Variants in ORC3 observed in about 807,000 individuals in gnomAD.
ORC3 encodes origin recognition complex subunit 3, also known as homolog of latheo, Drosophila.
Under a neutral mutation model 100.7 loss-of-function variants are expected in ORC3, and 78 were observed. The observed-to-expected ratio is 0.77, with a 90% CI of 0.65 to 0.94. ORC3 has a LOEUF of 0.94. Ranked by LOEUF, ORC3 falls within the 40% of genes least tolerant of loss-of-function variation. ORC3 has a pLI of 0.00. For missense variants in ORC3, 789 were observed against 823.9 expected (o/e 0.96, Z 0.52); for synonymous variants, 295 against 289.3 (o/e 1.02, Z -0.20).
intron 11 of ORC3, among the ~76,000 whole-genome samples, chr6:87,628,464 A>G (rs901256408): frequency 6.6e-6 from 1 of 152,264 alleles, no homozygotes. Context: ...CATACTATGT[A>G]GAAAGCTTAG....
At chr6:87,647,391 GCT>G (rs1238878104) in intron 13 of ORC3, among the ~76,000 whole-genome samples, 1 of 152,072 alleles carries the variant, frequency 6.6e-6, no homozygotes, top group Admixed American at 6.6e-5. Context: ...GCCAGGAAAA[GCT>G]CTTCTGGATA....
intron 9 of ORC3, 123 bp from the exon 10 acceptor site, chr6:87,621,231 A>T: frequency 1.8e-6 from 1 of 567,574 alleles, no homozygotes; most frequent in South Asian, 4.1e-5. Flanking sequence ...TGACATTATT[A>T]AATATATTAG....
chr6:87,638,693 T>C (rs79353874), intron 13 of ORC3, among the ~76,000 whole-genome samples: 11,741 of 152,188 alleles, frequency 0.077, 625 homozygotes, highest in Non-Finnish European at 0.12. Flanking sequence ...ACACCTGACC[T>C]CATGAAATGG....
At chr6:87,672,766 A>G in the ORC3 span, among the ~76,000 whole-genome samples, 1 of 152,200 alleles carries the variant, frequency 6.6e-6, no homozygotes, top group Non-Finnish European at 1.5e-5. Flanking sequence ...AGTGCTTGCC[A>G]TAGGCCAAAG....
chr6:87,635,218 G>A (rs530865189), intron 12 of ORC3, among the ~76,000 whole-genome samples: 1 of 152,278 alleles, frequency 6.6e-6, no homozygotes, highest in East Asian at 1.9e-4. Context: ...TAAGGCATTT[G>A]AACTTTCCTT....
intron 4 of ORC3, among the ~76,000 whole-genome samples, chr6:87,605,678 C>T (rs1362590354): frequency 6.6e-6 from 1 of 151,532 alleles, no homozygotes; most frequent in African/African-American, 2.4e-5. Flanking sequence ...CTTTCAAGTG[C>T]ACATCCCAGT....
chr6:87,623,732 A>C (rs1354566574), intron 11 of ORC3, among the ~76,000 whole-genome samples: 5 of 152,052 alleles, frequency 3.3e-5, no homozygotes, highest in Non-Finnish European at 7.4e-5. Context: ...AAAAATACAA[A>C]AATTAGCTGG....
intron 13 of ORC3, among the ~76,000 whole-genome samples, chr6:87,639,728 C>G (rs1768086255): frequency 6.6e-6 from 1 of 151,354 alleles, no homozygotes; most frequent in South Asian, 2.1e-4. Context: ...GCCTGTAATC[C>G]CAGCACTTTG....
downstream of ORC3, among the ~76,000 whole-genome samples, chr6:87,670,165 G>C (rs1307700741): frequency 6.6e-6 from 1 of 152,098 alleles, no homozygotes; most frequent in Non-Finnish European, 1.5e-5. Flanking sequence ...GTAGCAGGAT[G>C]GCAACTGCCC....
chr6:87,654,746 G>T (rs1241602234), intron 14 of ORC3, among the ~76,000 whole-genome samples: 2 of 152,162 alleles, frequency 1.3e-5, no homozygotes, highest in Non-Finnish European at 2.9e-5. Context: ...TACAAAATGG[G>T]ACTTATGGAG....
chr6:87,614,910 A>C (rs1031791273), intron 8 of ORC3, among the ~76,000 whole-genome samples: 15 of 151,820 alleles, frequency 9.9e-5, no homozygotes, highest in Non-Finnish European at 2.9e-5. Context: ...AACTGTTCCA[A>C]CCTCTGCCTG....
intron 11 of ORC3, among the ~76,000 whole-genome samples, chr6:87,627,124 A>G (rs1391170285): frequency 7.1e-6 from 1 of 139,948 alleles, no homozygotes. Context: ...CAGCCTCCCA[A>G]GTAGCTGGGG....
At chr6:87,653,281 G>A in intron 14 of ORC3, 32 bp downstream of exon 14, 1 of 1,592,056 alleles carries the variant, frequency 6.3e-7, no homozygotes, top group South Asian at 1.1e-5. Context: ...AATTCTATTG[G>A]CCATGACAGT....
chr6:87,662,048 T>C (rs964156310), intron 16 of ORC3, among the ~76,000 whole-genome samples: 1 of 152,244 alleles, frequency 6.6e-6, no homozygotes, highest in African/African-American at 2.4e-5. Context: ...AAGTGAAATT[T>C]TATTAATGAT....
chr6:87,640,871 G>C (rs935351469), intron 13 of ORC3, among the ~76,000 whole-genome samples: 1 of 152,144 alleles, frequency 6.6e-6, no homozygotes, highest in Non-Finnish European at 1.5e-5. Context: ...AGGCCAAGGT[G>C]GGGGCAGATC....
intron 13 of ORC3, among the ~76,000 whole-genome samples, chr6:87,646,868 C>T (rs1408352728): frequency 6.6e-6 from 1 of 152,226 alleles, no homozygotes; most frequent in Non-Finnish European, 1.5e-5. Context: ...CCAATACACA[C>T]CTCAAAGTTA....
chr6:87,593,847 C>T (rs1020264434), intron 1 of ORC3, among the ~76,000 whole-genome samples: 2 of 152,216 alleles, frequency 1.3e-5, no homozygotes, highest in Non-Finnish European at 2.9e-5. Flanking sequence ...CAGGCTCACA[C>T]CAACACGCCT....
rs1377220930 is a variant in ORC3, at chr6:87,603,455, A to T, written c.249A>T (p.Gly83=). Residue 83 remains glycine, a synonymous_variant, in exon 4 of 20, where the codon GGA becomes GGT. Coordinates refer to ENST00000392844, the MANE Select transcript of ORC3 (RefSeq NM_012381.4). ...AATTTCTGCAAAAATCACATTCTGG[A>T]TTCCAGAAGAATTCAAGAGACTTGG... is the stretch of plus-strand genomic sequence containing the variant. ...LIEFLQKSHS[G]FQKNSRDLGG... The T allele has an allele frequency of 6.5e-6, 10 of 1,535,312 alleles. No homozygotes were observed. Among genetic ancestry groups the T allele is most frequent in the African/African-American group, 1.3e-5 (1 of 74,258 alleles).
rs934947010 is a variant in ORC3 at position 87,622,382 on chromosome 6, T to G, written c.1185+369T>G. Among the ~76,000 whole-genome samples the G allele has an allele frequency of 5.3e-5, 8 of 152,126 alleles. No homozygotes were observed. The South Asian group carries it at 1.4e-3, about 28-fold the overall frequency. On this transcript the variant is annotated intron_variant, in intron 11 of 19. Coordinates refer to ENST00000392844, the MANE Select transcript of ORC3 (RefSeq NM_012381.4). ...TAAAGGCTGTGATAAATAAAAGCAT[T>G]TAGAAGCCAGGCAGCTTAGGCGTCT...
Sources: allele counts gnomAD v4.1 joint callset (sites outside exome capture counted in the v4.1 genomes callset), GRCh38; gene constraint gnomAD v4.1.1; transcripts MANE v1.5; gene names NCBI Gene and HGNC (gene_info 2026-07-23, HGNC 2026-07-21).